Variants in CFAP251 observed in about 807,000 individuals in gnomAD.
The protein encoded by CFAP251 is cilia- and flagella-associated protein 251.
In CFAP251, 93 loss-of-function variants were observed where a neutral mutation model predicts 126.7. The ratio of observed to expected loss-of-function variants is 0.73; its 90% CI spans 0.62 to 0.87. The LOEUF (loss-of-function observed/expected upper bound fraction) is 0.87, where lower values mean the gene tolerates loss of function less well. Ranked by LOEUF, CFAP251 falls within the 40% of genes least tolerant of loss-of-function variation. The pLI, the probability that CFAP251 is intolerant of heterozygous loss-of-function variation, is 0.00. For missense variants in CFAP251, 1,287 were observed against 1,389.2 expected (o/e 0.93, Z 1.17); for synonymous variants, 503 against 506.9 (o/e 0.99, Z 0.10).
At chr12:121,976,195 G>C (rs1882454596) in intron 19 of CFAP251, among the ~76,000 whole-genome samples, 1 of 151,910 alleles carries the variant, frequency 6.6e-6, no homozygotes, top group Admixed American at 6.6e-5. Flanking sequence ...TTTTAGTAGA[G>C]ACGAGGCTTC....
intron 17 of CFAP251, chr12:121,969,656 T>TA: frequency 1.2e-6 from 1 of 849,088 alleles, no homozygotes; most frequent in Non-Finnish European, 1.4e-6. Context: ...TGGCTAACTT[T>TA]AAAAAAATTT....
chr12:121,984,640 T>C (rs1882703179), intron 19 of CFAP251, among the ~76,000 whole-genome samples: 2 of 152,170 alleles, frequency 1.3e-5, no homozygotes, highest in South Asian at 2.1e-4. Flanking sequence ...ATCTGCAGCA[T>C]GTATAATGTT....
chr12:121,971,715 T>C, intron 17 of CFAP251: 2 of 676,026 alleles, frequency 3.0e-6, no homozygotes, highest in East Asian at 5.4e-5. Flanking sequence ...CAAACATTCA[T>C]TACAGGAGGA....
intron 1 of CFAP251, 120 bp from the exon 2 acceptor site, chr12:121,921,166 T>C (rs1880154586): frequency 8.6e-7 from 1 of 1,158,742 alleles, no homozygotes; most frequent in African/African-American, 1.6e-5. Flanking sequence ...TGACATTCTT[T>C]TTATTCCTAT....
chr12:121,922,467 T>G (rs1430786772), intron 2 of CFAP251, among the ~76,000 whole-genome samples: 1 of 151,958 alleles, frequency 6.6e-6, no homozygotes, highest in Non-Finnish European at 1.5e-5. Context: ...GAGTGAAAGA[T>G]GCACAGGAGA....
chr12:121,996,699 C>T (rs764803511), intron 19 of CFAP251, among the ~76,000 whole-genome samples: 1 of 152,062 alleles, frequency 6.6e-6, no homozygotes, highest in African/African-American at 2.4e-5. Context: ...AAAGAATGAA[C>T]GTCTAAAAGA....
At position 121,931,892 on chromosome 12, in the gene CFAP251, C is replaced by T; in HGVS notation, c.888+6C>T. 2 of 1,533,252 alleles carry T rather than the reference C, an allele frequency of 1.3e-6. No homozygotes were observed. The highest frequency in any genetic ancestry group is 1.8e-6 in the Non-Finnish European group (2 of 1,142,012). 95.0% of individuals were successfully genotyped at this position (1,533,252 alleles called of 1,614,324 possible). A position where few individuals can be genotyped will look rare whatever the true frequency, so the allele number is the denominator to read the frequency against. On this transcript the variant is annotated splice_donor_region_variant and intron_variant, in intron 4 of 21. Coordinates refer to ENST00000288912, the MANE Select transcript of CFAP251 (RefSeq NM_144668.6). ...ACAATCAATACCACCTTCAGGTATG[C>T]AGGGATTTCCTTCCTACAGGTGGGG...
rs533279963 is a variant in CFAP251 at position 121,948,840 on chromosome 12, A to AT, written c.1192-135dup. ...TCACCAGTATTTAAATGATATTCCTATTTTTTTTTACGAAATGCGGTATCT... is the reference window on the plus strand; with the variant it reads ...TCACCAGTATTTAAATGATATTCCTATTTTTTTTTTACGAAATGCGGTATCT... On this transcript the variant is annotated intron_variant, in intron 7 of 21. Coordinates refer to ENST00000288912, the MANE Select transcript of CFAP251 (RefSeq NM_144668.6). The AT allele has an allele frequency of 2.7e-3, 1,358 of 500,036 alleles. 2 individuals are homozygous for AT. The highest frequency in any genetic ancestry group is 4.5e-3 in the South Asian group (153 of 33,992). The allele number at this position is 500,036 out of a possible 1,614,324, so 31.0% of individuals were successfully genotyped here.
chr12:121,994,035 G>GC (rs1297330214), intron 19 of CFAP251, among the ~76,000 whole-genome samples: 10 of 86,104 alleles, frequency 1.2e-4, no homozygotes, highest in Non-Finnish European at 2.2e-4. Context: ...GGGGGGGTCA[G>GC]CCCCCCCGCC....
chr12:121,998,929 G>A (rs1180631636), intron 19 of CFAP251: 2 of 148,668 alleles, frequency 1.3e-5, no homozygotes, highest in African/African-American at 5.0e-5. Context: ...GGGGGAAGTG[G>A]TGAGAGTGGA....
intron 17 of CFAP251, among the ~76,000 whole-genome samples, chr12:121,968,704 G>A (rs556475498): frequency 2.0e-5 from 3 of 152,198 alleles, no homozygotes; most frequent in South Asian, 2.1e-4. Flanking sequence ...GCTTCTTAAC[G>A]TCCCTGATCT....
intron 17 of CFAP251, among the ~76,000 whole-genome samples, chr12:121,970,721 C>G (rs1882303054): frequency 6.6e-6 from 1 of 152,226 alleles, no homozygotes. Context: ...GTTGGGATCG[C>G]ATGTAGCTAC....
At position 121,923,951 on chromosome 12, in the gene CFAP251, T is replaced by C; in HGVS notation, c.708T>C (p.Ile236=). The C allele has an allele frequency of 2.5e-6, 4 of 1,613,428 alleles. No homozygotes were observed. Among genetic ancestry groups the C allele is most frequent in the Non-Finnish European group, 3.4e-6 (4 of 1,179,856 alleles). The part of the protein sequence containing the change: ...ESLVSSTTED[I]LFQKDKSTPV... ...TGGTGTCCAGCACCACAGAGGACAT[T>C]CTGTTTCAAAAGGATAAAAGCACCC... is the stretch of plus-strand genomic sequence containing the variant. Residue 236 remains isoleucine, a synonymous_variant, in exon 3 of 22, where the codon ATT becomes ATC. Coordinates refer to ENST00000288912, the MANE Select transcript of CFAP251 (RefSeq NM_144668.6).
At chr12:121,964,295 G>C (rs1389981824) in intron 15 of CFAP251, among the ~76,000 whole-genome samples, 2 of 152,202 alleles carry the variant, frequency 1.3e-5, no homozygotes, top group East Asian at 3.9e-4. Context: ...GAAAGCATGT[G>C]TAAAGAGGAG....
intron 19 of CFAP251, among the ~76,000 whole-genome samples, chr12:121,981,701 C>T (rs1397253564): frequency 6.6e-6 from 1 of 152,190 alleles, no homozygotes; most frequent in Non-Finnish European, 1.5e-5. Context: ...GGCCGTGCCT[C>T]TCGCAGTTCC....
rs763872478 is a variant in CFAP251 at position 121,975,310 on chromosome 12, T to C, written c.2838T>C (p.Gly946=). The C allele has an allele frequency of 3.1e-6, 5 of 1,614,176 alleles. No homozygotes were observed. Among genetic ancestry groups the C allele is most frequent in the Non-Finnish European group, 3.4e-6 (4 of 1,180,028 alleles). The change falls in exon 18 of 22, where the codon GGT becomes GGC. Residue 946 remains glycine, a synonymous_variant. Coordinates refer to ENST00000288912, the MANE Select transcript of CFAP251 (RefSeq NM_144668.6). The part of the protein sequence containing the change: ...DLTPFYGLLS[G]GREGKFYREL... ...CCCCATTCTATGGTCTGCTGTCTGG[T>C]GGCCGGGAAGGAAAATTCTACAGGG...
intron 13 of CFAP251, among the ~76,000 whole-genome samples, chr12:121,959,956 C>CA (rs1001568063): frequency 9.2e-5 from 14 of 151,922 alleles, no homozygotes; most frequent in African/African-American, 2.7e-4. Flanking sequence ...AGACACCCCC[C>CA]ATCTCTACAA....
At chr12:121,923,533 A>T in intron 2 of CFAP251, 89 bp from the exon 3 acceptor site, 1 of 1,487,266 alleles carries the variant, frequency 6.7e-7, no homozygotes, top group Non-Finnish European at 9.0e-7. Flanking sequence ...TGAGGCTAAC[A>T]CTAAGACTGG....
At chr12:121,919,242 G>A (rs1450586534) in intron 1 of CFAP251, among the ~76,000 whole-genome samples, 2 of 151,918 alleles carry the variant, frequency 1.3e-5, no homozygotes, top group African/African-American at 2.4e-5. Flanking sequence ...TACTCTCTGG[G>A]ACTTTATTTT....
Sources: allele counts gnomAD v4.1 joint callset (sites outside exome capture counted in the v4.1 genomes callset), GRCh38; gene constraint gnomAD v4.1.1; transcripts MANE v1.5; gene names NCBI Gene and HGNC (gene_info 2026-07-23, HGNC 2026-07-21).